VEGFC: variants seen among roughly 807,000 people sequenced by gnomAD.
VEGFC encodes the protein vascular endothelial growth factor C.
Under a neutral mutation model 46.1 loss-of-function variants are expected in VEGFC, and 12 were observed. That is an observed-to-expected ratio of 0.26 (90% CI 0.17 to 0.42). The LOEUF (loss-of-function observed/expected upper bound fraction) is 0.42. VEGFC is among the 10% of genes least tolerant of loss of function. VEGFC has a pLI of 1.00. For synonymous variants in VEGFC, 232 were observed against 195.5 expected (o/e 1.19, Z -1.56); for missense variants, 488 against 529.4 (o/e 0.92, Z 0.77).
At chr4:176,784,324 A>C (rs1368574790) in intron 1 of VEGFC, among the ~76,000 whole-genome samples, 1 of 151,472 alleles carries the variant, frequency 6.6e-6, no homozygotes, top group African/African-American at 2.4e-5. Flanking sequence ...CCTGACTCAG[A>C]CTCCCAAAGT....
At chr4:176,753,168 A>C (rs939754243) in intron 1 of VEGFC, among the ~76,000 whole-genome samples, 1 of 152,094 alleles carries the variant, frequency 6.6e-6, no homozygotes, top group African/African-American at 2.4e-5. Context: ...CTGACTAAAA[A>C]TCAAACAGCA....
At chr4:176,740,899 C>A (rs905504011) in intron 1 of VEGFC, among the ~76,000 whole-genome samples, 1 of 151,794 alleles carries the variant, frequency 6.6e-6, no homozygotes, top group Non-Finnish European at 1.5e-5. Flanking sequence ...GAATGAATAG[C>A]AAGTACTCAA....
chr4:176,760,315 T>C (rs1579127625), intron 1 of VEGFC, among the ~76,000 whole-genome samples: 1 of 152,150 alleles, frequency 6.6e-6, no homozygotes, highest in African/African-American at 2.4e-5. Flanking sequence ...ATATAGGCCA[T>C]TTTTAATTGA....
rs112515779 is a variant in VEGFC at position 176,788,540 on chromosome 4, C to A, written c.147+3625G>T. On this transcript the variant is annotated intron_variant, in intron 1 of 6. Coordinates refer to ENST00000618562, the MANE Select transcript of VEGFC (RefSeq NM_005429.5). The stretch of plus-strand genomic sequence containing the variant: ...GATTTACGATGGGGCTACATCCTGA[C>A]AAATTCCTCCTGAGTTGAAAATATA... Among the ~76,000 whole-genome samples the A allele has an allele frequency of 2.8e-3, 419 of 152,320 alleles. 1 individual carries two copies. Among genetic ancestry groups the A allele is most frequent in the Non-Finnish European group, 5.3e-3 (359 of 68,034 alleles).
At chr4:176,714,639 C>T (rs1423470524) in intron 3 of VEGFC, among the ~76,000 whole-genome samples, 2 of 152,142 alleles carry the variant, frequency 1.3e-5, no homozygotes, top group African/African-American at 4.8e-5. Flanking sequence ...TTTTCCCACC[C>T]CTAACCCTTG....
chr4:176,742,567 A>G (rs369118063), intron 1 of VEGFC, among the ~76,000 whole-genome samples: 6 of 151,960 alleles, frequency 3.9e-5, no homozygotes, highest in African/African-American at 1.4e-4. Context: ...AACTGTGTAA[A>G]TGTTCTTTAC....
Position 176,792,295 on chromosome 4 carries a change from A to C in VEGFC, c.17T>G (p.Phe6Cys), listed in dbSNP as rs768189031. ...GAGCAGAGAACACGCCACAGAGAAG[A>C]AGCCCAGCAAGTGCATGGTGGAAGG... Reference protein sequence around the residue: MHLLGFFSVACSLLAA... With the variant: MHLLGCFSVACSLLAA... The change falls in exon 1 of 7, where the codon TTC (phenylalanine) becomes TGC (cysteine). Residue 6 changes from phenylalanine to cysteine, a missense_variant. Transcript: ENST00000618562. The surrounding 1 kb of genome is among the most constrained non-coding windows in gnomAD (Gnocchi z 6.3). 34 of 1,526,724 alleles carry C rather than the reference A, an allele frequency of 2.2e-5. No individual in the cohort carries two copies. Among genetic ancestry groups the C allele is most frequent in the South Asian group, 1.7e-4 (14 of 83,316 alleles). The allele number at this position is 1,526,724 out of a possible 1,614,324, so 94.6% of individuals were successfully genotyped here. A position where few individuals can be genotyped will look rare whatever the true frequency, so the allele number is the denominator to read the frequency against.
intron 1 of VEGFC, among the ~76,000 whole-genome samples, chr4:176,743,881 G>A (rs1043865576): frequency 9.9e-5 from 15 of 151,626 alleles, no homozygotes; most frequent in Non-Finnish European, 1.9e-4. Flanking sequence ...TCTGTCCTAT[G>A]ACCCCAATCT....
chr4:176,708,369 T>C (rs182914327), intron 4 of VEGFC, among the ~76,000 whole-genome samples: 7 of 152,216 alleles, frequency 4.6e-5, no homozygotes, highest in Admixed American at 1.3e-4. Context: ...AAACATTTTA[T>C]TTGTTATTTA....
At chr4:176,788,448 G>A (rs1316336917) in intron 1 of VEGFC, among the ~76,000 whole-genome samples, 2 of 152,206 alleles carry the variant, frequency 1.3e-5, no homozygotes, top group Admixed American at 6.5e-5. Flanking sequence ...GGGCTGAAAG[G>A]AGTCTGAATC....
Position 176,720,767 on chromosome 4 carries a change from G to T in VEGFC, c.552+7011C>A, listed in dbSNP as rs13105274. Among the ~76,000 whole-genome samples the T allele has an allele frequency of 3.1e-4, 46 of 149,680 alleles. 5 individuals carry two copies. In the South Asian group the frequency reaches 8.6e-3, roughly 28 times the overall value. ...GAGGCAAGATAATCACTTGAACCCA[G>T]GAGGCAGAGGTCACAGTGAGCTGAG... On this transcript the variant is annotated intron_variant, in intron 3 of 6. Transcript: ENST00000618562.
intron 4 of VEGFC, among the ~76,000 whole-genome samples, chr4:176,702,210 T>C (rs1734446108): frequency 1.3e-5 from 2 of 152,292 alleles, no homozygotes; most frequent in Admixed American, 6.5e-5. Flanking sequence ...CCCTAGTAAG[T>C]GTAACTTCTT....
intron 1 of VEGFC, among the ~76,000 whole-genome samples, chr4:176,769,642 T>C (rs1199545072): frequency 2.6e-5 from 4 of 151,876 alleles, no homozygotes; most frequent in Non-Finnish European, 5.9e-5. Context: ...AGGGATGGAG[T>C]TAGAATTCTA....
At chr4:176,692,987 C>G (rs1053575536) in intron 4 of VEGFC, among the ~76,000 whole-genome samples, 51 of 150,944 alleles carry the variant, frequency 3.4e-4, no homozygotes, top group African/African-American at 1.2e-3. Flanking sequence ...ACATCACCAT[C>G]ATCAAAGACC....
chr4:176,722,947 T>G (rs542680896), intron 3 of VEGFC, among the ~76,000 whole-genome samples: 12 of 152,282 alleles, frequency 7.9e-5, no homozygotes, highest in African/African-American at 2.9e-4. Flanking sequence ...ATTAGACCAA[T>G]GCAGAAAATG....
At chr4:176,783,412 A>G (rs1031707824) in intron 1 of VEGFC, among the ~76,000 whole-genome samples, 1 of 152,186 alleles carries the variant, frequency 6.6e-6, no homozygotes, top group Non-Finnish European at 1.5e-5. Context: ...ATGCATATTT[A>G]TTTTTTGTGG....
intron 3 of VEGFC, among the ~76,000 whole-genome samples, chr4:176,726,632 C>T (rs552099110): frequency 6.6e-5 from 10 of 151,976 alleles, no homozygotes; most frequent in African/African-American, 1.7e-4. Context: ...GCCAAATGAT[C>T]GTAACAGTAA....
intron 6 of VEGFC, among the ~76,000 whole-genome samples, chr4:176,684,537 C>A (rs1284085891): frequency 6.6e-6 from 1 of 152,110 alleles, no homozygotes; most frequent in Non-Finnish European, 1.5e-5. Context: ...GGCTGCATGA[C>A]GGTGACTAAC....
At chr4:176,752,108 T>A (rs1735351957) in intron 1 of VEGFC, among the ~76,000 whole-genome samples, 1 of 152,088 alleles carries the variant, frequency 6.6e-6, no homozygotes, top group Non-Finnish European at 1.5e-5. Flanking sequence ...TAATTTTCCA[T>A]GAAATTGCGT....
Sources: gnomAD v4.1 joint callset for allele counts (sites outside exome capture counted in the v4.1 genomes callset) on GRCh38, gnomAD v4.1.1 for gene constraint, Gnocchi (gnomAD v3.1) non-coding constraint, MANE v1.5 for transcripts, NCBI Gene and HGNC (gene_info 2026-07-23, HGNC 2026-07-21) for gene names.